Variants in TEF observed in about 807,000 individuals in gnomAD.
TEF encodes TEF transcription factor, PAR bZIP family member, also known as thyrotroph embryonic factor.
In TEF, 3 loss-of-function variants were observed where a neutral mutation model predicts 20.8. The ratio of observed to expected loss-of-function variants is 0.14; its 90% CI spans 0.07 to 0.37. The LOEUF (loss-of-function observed/expected upper bound fraction) is 0.37, where lower values mean the gene tolerates loss of function less well. Ranked by LOEUF, TEF falls within the 10% of genes least tolerant of loss-of-function variation. The probability of loss-of-function intolerance (pLI) is 1.00; values close to 1 mark genes in which losing one functional copy is unlikely to be tolerated. For synonymous variants in TEF, 180 were observed against 171.1 expected (o/e 1.05, Z -0.41); for missense variants, 296 against 397.9 (o/e 0.74, Z 2.18).
chr22:41,393,070 G>C (rs1300584697), intron 2 of TEF, among the ~76,000 whole-genome samples: 4 of 151,986 alleles, frequency 2.6e-5, no homozygotes, highest in Non-Finnish European at 5.9e-5. Flanking sequence ...GCCAGGTGCA[G>C]TGGCTCACAC....
At chr22:41,386,434 C>G (rs2037098283) in intron 1 of TEF, among the ~76,000 whole-genome samples, 1 of 148,452 alleles carries the variant, frequency 6.7e-6, no homozygotes, top group Non-Finnish European at 1.5e-5. Flanking sequence ...GAGCGAAGCT[C>G]CATCTCAAAA....
chr22:41,381,829 C>G (rs1050689535), upstream of TEF: 11 of 1,184,322 alleles, frequency 9.3e-6, no homozygotes, highest in South Asian at 8.8e-5. Context: ...CTGGACCAAT[C>G]CAGAGCAACG....
At chr22:41,387,330 T>G in intron 1 of TEF, 21 bp from the exon 2 acceptor site, 8 of 1,613,206 alleles carry the variant, frequency 5.0e-6, no homozygotes, top group Non-Finnish European at 6.8e-6. Flanking sequence ...TGGTATTTCA[T>G]CGCAGATTTT....
In TEF at chr22:41,396,187, C is replaced by A; in HGVS notation, c.*227C>A. 3.8e-6 allele frequency: 2 copies of A among 523,120 alleles called. No homozygotes were observed. Among genetic ancestry groups the A allele is most frequent in the Non-Finnish European group, 6.9e-6 (2 of 290,988 alleles). The allele number at this position is 523,120 out of a possible 1,614,324, so 32.4% of individuals were successfully genotyped here. A position where few individuals can be genotyped will look rare whatever the true frequency, so the allele number is the denominator to read the frequency against. On this transcript the variant is annotated 3_prime_UTR_variant, in exon 4 of 4. Coordinates refer to ENST00000266304, the MANE Select transcript of TEF (RefSeq NM_003216.4). ...CTGGTGGGGAACGCAAGAGAATCTG[C>A]GTAGATGGGTGACTCAGCCTTAGTT...
chr22:41,381,942 G>A lies in TEF; in HGVS notation c.-103G>A. 8.2e-7 allele frequency: 1 copy of A among 1,226,566 alleles called. No homozygotes were observed. Among genetic ancestry groups the A allele is most frequent in the Non-Finnish European group, 1.0e-6 (1 of 984,844 alleles). The allele number at this position is 1,226,566 out of a possible 1,614,324, so 76.0% of individuals were successfully genotyped here. ...GGCGGGGGCGCCATTGGGCGCCTGC[G>A]CAGTAGCTGCCCGTGTCGGCAGCTG... On this transcript the variant is annotated 5_prime_UTR_variant, in exon 1 of 4. Coordinates refer to ENST00000266304, the MANE Select transcript of TEF (RefSeq NM_003216.4).
At position 41,396,816 on chromosome 22, in the gene TEF, A is replaced by G. The variant is rs1601827785; in HGVS notation, c.*856A>G. ...TGGGCCTGCTCTTTCTTTCCACCCA[A>G]TGTCCAGTCTTGGATCATAGATTTA... On this transcript the variant is annotated 3_prime_UTR_variant, in exon 4 of 4. Coordinates refer to ENST00000266304, the MANE Select transcript of TEF (RefSeq NM_003216.4). The G allele has an allele frequency of 7.6e-6, 3 of 397,010 alleles. No homozygotes were observed. The highest frequency in any genetic ancestry group is 1.4e-4 in the South Asian group (1 of 7,174). The allele number at this position is 397,010 out of a possible 1,614,324, so 24.6% of individuals were successfully genotyped here. A position where few individuals can be genotyped will look rare whatever the true frequency, so the allele number is the denominator to read the frequency against.
chr22:41,374,693 G>A (rs1477589574), intron 1 of TEF, among the ~76,000 whole-genome samples: 2 of 151,390 alleles, frequency 1.3e-5, no homozygotes, highest in Admixed American at 1.3e-4. Context: ...TCCAGCCTGG[G>A]GGACAGAGCA....
chr22:41,397,357 A>G lies in TEF; in HGVS notation c.*1397A>G. 1 of 363,132 alleles carries G rather than the reference A, an allele frequency of 2.8e-6. No individual in the cohort carries two copies. The highest frequency in any genetic ancestry group is 4.9e-6 in the Non-Finnish European group (1 of 203,604). 22.5% of individuals were successfully genotyped at this position (363,132 alleles called of 1,614,324 possible). A position where few individuals can be genotyped will look rare whatever the true frequency, so the allele number is the denominator to read the frequency against. The stretch of plus-strand genomic sequence containing the variant: ...AAGATTCACTGAGGAAACTCATGGA[A>G]GCCTCTGCTCATTTGGGTCACTGGG... On this transcript the variant is annotated 3_prime_UTR_variant, in exon 4 of 4. Transcript: ENST00000266304.
At chr22:41,394,407 C>G in intron 3 of TEF, 91 bp downstream of exon 3, 1 of 1,245,902 alleles carries the variant, frequency 8.0e-7, no homozygotes, top group Admixed American at 2.4e-5. Context: ...TCTGGAGAGC[C>G]TTCCCTCCTT....
Position 41,394,334 on chromosome 22 carries a change from A to G in TEF, c.696+18A>G, listed in dbSNP as rs768997305. On this transcript the variant is annotated intron_variant, in intron 3 of 3. Coordinates refer to ENST00000266304, the MANE Select transcript of TEF (RefSeq NM_003216.4). ...AGCAGAAGGTAACCTGGTATTCCTT[A>G]TAAATAAAGATGCAGCGTTGGTTCA... 9 of 1,608,082 alleles carry G rather than the reference A, an allele frequency of 5.6e-6. 1 individual carries two copies. The highest frequency in any genetic ancestry group is 2.2e-5 in the South Asian group (2 of 90,698).
intron 1 of TEF, among the ~76,000 whole-genome samples, chr22:41,385,063 A>G (rs1047517480): frequency 1.3e-5 from 2 of 152,118 alleles, no homozygotes; most frequent in African/African-American, 2.4e-5. Context: ...CTGTAAAGAC[A>G]CTTTCAAATG....
In TEF at chr22:41,397,151, C is replaced by T. The variant is rs1347152038; in HGVS notation, c.*1191C>T. ...GTCACCAAGGTCACAGTGCCACTTT[C>T]ACGGGATAGCAGGCTCTTGGGACTT... On this transcript the variant is annotated 3_prime_UTR_variant, in exon 4 of 4. Coordinates refer to ENST00000266304, the MANE Select transcript of TEF (RefSeq NM_003216.4). 4 of 398,586 alleles carry T rather than the reference C, an allele frequency of 1.0e-5. No individual in the cohort carries two copies. The highest frequency in any genetic ancestry group is 8.8e-5 in the Admixed American group (2 of 22,708). The allele number at this position is 398,586 out of a possible 1,614,324, so 24.7% of individuals were successfully genotyped here.
chr22:41,391,334 T>TTC (rs2037163118), intron 2 of TEF, among the ~76,000 whole-genome samples: 2 of 151,220 alleles, frequency 1.3e-5, no homozygotes, highest in Admixed American at 6.6e-5. Flanking sequence ...TTCTTTTCTT[T>TTC]TTTTTTTTTT....
Position 41,398,764 on chromosome 22 carries a change from C to T in TEF, c.*2804C>T, listed in dbSNP as rs1423142487. On this transcript the variant is annotated 3_prime_UTR_variant, in exon 4 of 4. Coordinates refer to ENST00000266304, the MANE Select transcript of TEF (RefSeq NM_003216.4). Reference sequence around the variant, plus strand: ...CTGCTGAGGGGCTGTGCAGGCCGCTCCTACGGTCCTTTGGCCTGAGGCAGG... The same window carrying T: ...CTGCTGAGGGGCTGTGCAGGCCGCTTCTACGGTCCTTTGGCCTGAGGCAGG... The T allele has an allele frequency of 1.3e-5, 2 of 152,294 alleles. No individual in the cohort carries two copies. Among genetic ancestry groups the T allele is most frequent in the Non-Finnish European group, 2.9e-5 (2 of 68,070 alleles). The allele number at this position is 152,294 out of a possible 1,614,324, so 9.4% of individuals were successfully genotyped here. A position where few individuals can be genotyped will look rare whatever the true frequency, so the allele number is the denominator to read the frequency against.
In TEF at chr22:41,395,867, A is replaced by G. The variant is rs2037220943; in HGVS notation, c.819A>G (p.Thr273=). ...CAGCCTTCCTGGAGAAGGAGAACAC[A>G]GCCCTGCGGACGGAGGTGGCCGAGC... The part of the protein sequence containing the change: ...IRAAFLEKEN[T]ALRTEVAELR... The change falls in exon 4 of 4, where the codon ACA becomes ACG. Residue 273 remains threonine (T), a synonymous_variant. Coordinates refer to ENST00000266304, the MANE Select transcript of TEF (RefSeq NM_003216.4). 1.2e-6 allele frequency: 2 copies of G among 1,614,112 alleles called. No individual in the cohort carries two copies. The highest frequency in any genetic ancestry group is 1.3e-5 in the African/African-American group (1 of 74,946).
Position 41,395,924 on chromosome 22 carries a change from C to G in TEF, c.876C>G (p.Ile292Met). ...LRKEVGKCKT[I>M]VSKYETKYGP... is the part of the protein sequence containing the mutation. Reference sequence around the variant, plus strand: ...AGGAGGTGGGCAAGTGCAAGACCATCGTGTCCAAGTATGAGACCAAATACG... The same window carrying G: ...AGGAGGTGGGCAAGTGCAAGACCATGGTGTCCAAGTATGAGACCAAATACG... The change falls in exon 4 of 4, where the codon ATC becomes ATG. Residue 292 changes from isoleucine (I) to methionine (M), a missense_variant. Ile to Met is a conservative substitution (Grantham distance 10). Around this residue, in one of 2 missense-constraint regions of TEF, gnomAD observed 194 missense variants for 317.8 expected, o/e 0.61. Transcript: ENST00000266304. The G allele has an allele frequency of 6.2e-7, 1 of 1,614,042 alleles. No individual in the cohort carries two copies. Among genetic ancestry groups the G allele is most frequent in the South Asian group, 1.1e-5 (1 of 91,080 alleles).
intron 2 of TEF, among the ~76,000 whole-genome samples, chr22:41,393,872 T>C (rs903495819): frequency 2.0e-5 from 3 of 150,834 alleles, no homozygotes; most frequent in Non-Finnish European, 4.5e-5. Flanking sequence ...TTCTGTTTCC[T>C]TTTGAGCATT....
At chr22:41,375,998 C>T (rs181510157) in intron 1 of TEF, among the ~76,000 whole-genome samples, 71 of 152,280 alleles carry the variant, frequency 4.7e-4, no homozygotes, top group Non-Finnish European at 7.8e-4. Flanking sequence ...TGCTCTCACA[C>T]GTCCCAGGCC....
At chr22:41,383,566 G>C (rs2037061178) in intron 1 of TEF, among the ~76,000 whole-genome samples, 1 of 152,170 alleles carries the variant, frequency 6.6e-6, no homozygotes, top group African/African-American at 2.4e-5. Flanking sequence ...TGAGGCTCAG[G>C]GAGGTGAGGG....
Sources: gnomAD v4.1 joint callset for allele counts (sites outside exome capture counted in the v4.1 genomes callset) on GRCh38, gnomAD v4.1.1 for gene constraint, gnomAD v4.1.1 regional missense constraint, MANE v1.5 for transcripts, NCBI Gene and HGNC (gene_info 2026-07-23, HGNC 2026-07-21) for gene names.